Variants in CLTCL1 observed in about 807,000 individuals in gnomAD.
The protein encoded by CLTCL1 is clathrin heavy chain like 1.
A neutral mutation model predicts 190.0 loss-of-function variants in CLTCL1; 159 were observed. That is an observed-to-expected ratio of 0.84 (90% CI 0.74 to 0.95). The LOEUF is 0.95. Among genes scored for constraint, CLTCL1 ranks in the 40% least tolerant of loss-of-function variants. The pLI, the probability that CLTCL1 is intolerant of heterozygous loss-of-function variation, is 0.00. For synonymous variants in CLTCL1, 752 were observed against 769.6 expected (o/e 0.98, Z 0.38); for missense variants, 1,878 against 2,033.4 (o/e 0.92, Z 1.47).
At chr22:19,210,086 G>C (rs550177860) in intron 20 of CLTCL1, among the ~76,000 whole-genome samples, 2 of 152,256 alleles carry the variant, frequency 1.3e-5, no homozygotes, top group East Asian at 3.9e-4. Flanking sequence ...AGGGAGTGCT[G>C]GGGAGTAATA....
At chr22:19,248,975 A>T (rs566106163) in intron 3 of CLTCL1, among the ~76,000 whole-genome samples, 32 of 152,298 alleles carry the variant, frequency 2.1e-4, no homozygotes, top group African/African-American at 7.2e-4. Flanking sequence ...GCGCCCCAAG[A>T]CCTTGTATTG....
intron 30 of CLTCL1, chr22:19,182,652 G>C (rs918650760): frequency 6.6e-6 from 1 of 152,138 alleles, no homozygotes; most frequent in Non-Finnish European, 1.5e-5. Flanking sequence ...CCCTTCCCTC[G>C]CTCCACTGAG....
chr22:19,258,605 C>T (rs942038957), intron 2 of CLTCL1: 13 of 620,836 alleles, frequency 2.1e-5, no homozygotes, highest in Admixed American at 6.3e-5. Flanking sequence ...CCCAGGAGTA[C>T]GAGGCCTGGA....
rs1248155628 is a variant in CLTCL1 at position 19,234,719 on chromosome 22, A to G, written c.970-13T>C. The G allele has an allele frequency of 8.1e-6, 13 of 1,610,464 alleles. No homozygotes were observed. The highest frequency in any genetic ancestry group is 1.1e-5 in the Non-Finnish European group (13 of 1,177,190). ...AAACTGACAGTACCTGTAAGGACAC[A>G]ACAAGTGAGAGCAGCCCGGCCTAGA... is the stretch of plus-strand genomic sequence containing the variant. On this transcript the variant is annotated splice_polypyrimidine_tract_variant and intron_variant, in intron 6 of 32. Transcript: ENST00000427926.
intron 1 of CLTCL1, among the ~76,000 whole-genome samples, chr22:19,284,086 A>T (rs1258378219): frequency 6.6e-6 from 1 of 152,178 alleles, no homozygotes; most frequent in Non-Finnish European, 1.5e-5. Flanking sequence ...AAGGGGCTTA[A>T]GGAAGATGTC....
chr22:19,261,275 T>G (rs2086941742), intron 2 of CLTCL1, among the ~76,000 whole-genome samples: 1 of 152,036 alleles, frequency 6.6e-6, no homozygotes, highest in Non-Finnish European at 1.5e-5. Context: ...CATGCCCAGC[T>G]AATGTCTTGT....
intron 10 of CLTCL1, among the ~76,000 whole-genome samples, chr22:19,230,473 G>A (rs1329363783): frequency 6.6e-6 from 1 of 152,094 alleles, no homozygotes; most frequent in Non-Finnish European, 1.5e-5. Context: ...TATAGTCCCA[G>A]CTACTCAGGA....
rs1285088519 is a variant in CLTCL1 at position 19,224,058 on chromosome 22, T to C, written c.2129-4A>G. On this transcript the variant is annotated splice_polypyrimidine_tract_variant and splice_region_variant and intron_variant, in intron 13 of 32. Transcript: ENST00000427926. Reference sequence around the variant, plus strand: ...GAGCCCAGGAAGTAGAAGAGGCCTATGAAGAGAGACCATTCCATTTTTGTC... The same window carrying C: ...GAGCCCAGGAAGTAGAAGAGGCCTACGAAGAGAGACCATTCCATTTTTGTC... 6.2e-7 allele frequency: 1 copy of C among 1,613,902 alleles called. No homozygotes were observed. Among genetic ancestry groups the C allele is most frequent in the African/African-American group, 1.3e-5 (1 of 75,042 alleles).
At chr22:19,254,312 T>C in intron 2 of CLTCL1, 85 bp from the exon 3 acceptor site, 5 of 1,171,702 alleles carry the variant, frequency 4.3e-6, no homozygotes, top group East Asian at 2.5e-5. Flanking sequence ...CTGAATTCTT[T>C]TAATATTACT....
At chr22:19,259,364 C>T (rs1394075042) in intron 2 of CLTCL1, among the ~76,000 whole-genome samples, 3 of 152,016 alleles carry the variant, frequency 2.0e-5, no homozygotes, top group Admixed American at 6.6e-5. Flanking sequence ...CCTCGGCCTC[C>T]CAAAGTGCTG....
chr22:19,220,548 A>T (rs1356484986), intron 17 of CLTCL1, among the ~76,000 whole-genome samples: 1 of 152,264 alleles, frequency 6.6e-6, no homozygotes, highest in Non-Finnish European at 1.5e-5. Flanking sequence ...TCTGAATGTT[A>T]TAACAGATCT....
At position 19,190,596 on chromosome 22, in the gene CLTCL1, C is replaced by CAAAA. The variant is rs55780206; in HGVS notation, c.4323+704_4323+707dup. On this transcript the variant is annotated intron_variant, in intron 27 of 32. Coordinates refer to ENST00000427926, the MANE Select transcript of CLTCL1 (RefSeq NM_007098.4). ...CCTGGGCAACAGAGCAAGACTGTCT[C>CAAAA]AAAAAAAAAAAAAAAAAAAAAAAGA... Among the ~76,000 whole-genome samples, 54 of 72,808 alleles carry CAAAA rather than the reference C, an allele frequency of 7.4e-4. 1 individual carries two copies. Among genetic ancestry groups the CAAAA allele is most frequent in the African/African-American group, 2.6e-3 (47 of 18,328 alleles). 47.8% of individuals were successfully genotyped at this position (72,808 alleles called of 152,430 possible).
intron 3 of CLTCL1, among the ~76,000 whole-genome samples, chr22:19,243,343 C>T (rs1212538162): frequency 2.6e-5 from 4 of 152,088 alleles, no homozygotes; most frequent in African/African-American, 9.7e-5. Flanking sequence ...TTAATAAAAA[C>T]CAATAAGGCC....
chr22:19,270,860 C>A (rs2793060), intron 2 of CLTCL1, among the ~76,000 whole-genome samples: 3 of 151,302 alleles, frequency 2.0e-5, no homozygotes, highest in East Asian at 1.9e-4. Context: ...GATGGGGGTA[C>A]CTTTTAGTGT....
intron 30 of CLTCL1, chr22:19,182,586 A>G (rs1555926262): frequency 3.9e-5 from 6 of 152,204 alleles, no homozygotes; most frequent in African/African-American, 1.4e-4. Context: ...TAAAGCTGGC[A>G]GCATGAGCCC....
chr22:19,223,269 G>A (rs547066471), intron 14 of CLTCL1, among the ~76,000 whole-genome samples: 5 of 152,068 alleles, frequency 3.3e-5, no homozygotes, highest in African/African-American at 7.2e-5. Context: ...ATGTGGTCCC[G>A]TGCCTAGATC....
intron 2 of CLTCL1, chr22:19,257,674 C>T (rs2086805310): frequency 1.8e-6 from 1 of 562,696 alleles, no homozygotes; most frequent in Admixed American, 2.9e-5. Flanking sequence ...GTGTCCTGCT[C>T]CACCAGTTTC....
At chr22:19,262,138 G>C (rs2086969146) in intron 2 of CLTCL1, among the ~76,000 whole-genome samples, 1 of 151,822 alleles carries the variant, frequency 6.6e-6, no homozygotes. Flanking sequence ...CGATTCTCCT[G>C]CCTCAGCCTC....
intron 9 of CLTCL1, 117 bp downstream of exon 9, chr22:19,233,049 T>C: frequency 9.3e-7 from 1 of 1,076,234 alleles, no homozygotes; most frequent in Non-Finnish European, 1.3e-6. Context: ...ACAGCAACAT[T>C]GCCAACTCTC....
Sources: gnomAD v4.1 joint callset for allele counts (sites outside exome capture counted in the v4.1 genomes callset) on GRCh38, gnomAD v4.1.1 for gene constraint, MANE v1.5 for transcripts, NCBI Gene and HGNC (gene_info 2026-07-23, HGNC 2026-07-21) for gene names.